Variants in NLGN1 observed in about 807,000 individuals in gnomAD.
NLGN1 encodes neuroligin 1.
Under a neutral mutation model 65.5 loss-of-function variants are expected in NLGN1, and 12 were observed. The ratio of observed to expected loss-of-function variants is 0.18; its 90% CI spans 0.12 to 0.30. The LOEUF is 0.30. NLGN1 is among the 10% of genes least tolerant of loss of function. NLGN1 has a pLI of 1.00. For synonymous variants in NLGN1, 350 were observed against 359.5 expected, an observed-to-expected ratio of 0.97 and a Z score of 0.30; for missense variants, 750 against 1,007.1, an observed-to-expected ratio of 0.74 and a Z score of 3.46.
At chr3:173,616,011 A>G (rs1478307846) in intron 3 of NLGN1, among the ~76,000 whole-genome samples, 1 of 152,116 alleles carries the variant, frequency 6.6e-6, no homozygotes, top group Non-Finnish European at 1.5e-5. Context: ...TGGGGGAGGC[A>G]GATACAGAAA....
At chr3:173,673,173 G>A (rs1391871643) in intron 3 of NLGN1, among the ~76,000 whole-genome samples, 2 of 152,186 alleles carry the variant, frequency 1.3e-5, no homozygotes, top group East Asian at 3.9e-4. Context: ...TGATCAGAAT[G>A]GTATTTTCTT....
intron 3 of NLGN1, among the ~76,000 whole-genome samples, chr3:173,740,886 CA>C (rs1488873621): frequency 6.6e-6 from 1 of 152,022 alleles, no homozygotes; most frequent in Non-Finnish European, 1.5e-5. Context: ...AAAGAAGGAC[CA>C]AATGAAAGTA....
chr3:174,206,721 A>C (rs1735496138), intron 4 of NLGN1, among the ~76,000 whole-genome samples: 1 of 152,232 alleles, frequency 6.6e-6, no homozygotes, highest in Non-Finnish European at 1.5e-5. Flanking sequence ...CATAACTGGT[A>C]TTCTGAAGAC....
intron 4 of NLGN1, among the ~76,000 whole-genome samples, chr3:173,813,773 A>G (rs986773651): frequency 6.6e-6 from 1 of 152,272 alleles, no homozygotes; most frequent in Non-Finnish European, 1.5e-5. Flanking sequence ...TTTCATAATT[A>G]TCATAATCAC....
At chr3:174,181,271 T>A (rs1730364368) in intron 4 of NLGN1, among the ~76,000 whole-genome samples, 1 of 152,166 alleles carries the variant, frequency 6.6e-6, no homozygotes, top group South Asian at 2.1e-4. Context: ...TGTCCATAAG[T>A]CTGCTTTCTC....
intron 2 of NLGN1, among the ~76,000 whole-genome samples, chr3:173,501,632 G>C (rs1181983338): frequency 2.0e-5 from 3 of 150,710 alleles, no homozygotes; most frequent in African/African-American, 7.3e-5. Context: ...AAAATGTGAA[G>C]TGGCAGATAA....
At chr3:174,249,872 A>T (rs1744467287) in intron 4 of NLGN1, among the ~76,000 whole-genome samples, 1 of 152,122 alleles carries the variant, frequency 6.6e-6, no homozygotes, top group African/African-American at 2.4e-5. Context: ...TTTCATTGTC[A>T]CAAATGGGTC....
chr3:173,599,389 G>T (rs1168170168), intron 2 of NLGN1, among the ~76,000 whole-genome samples: 1 of 152,064 alleles, frequency 6.6e-6, no homozygotes, highest in Non-Finnish European at 1.5e-5. Flanking sequence ...CCACTCCTGG[G>T]TCATGAAGAA....
chr3:173,981,049 G>T (rs1038051156), intron 4 of NLGN1, among the ~76,000 whole-genome samples: 1 of 151,942 alleles, frequency 6.6e-6, no homozygotes, highest in African/African-American at 2.4e-5. Context: ...CTATATGTCA[G>T]AATAAATTAG....
intron 4 of NLGN1, among the ~76,000 whole-genome samples, chr3:173,971,322 G>A (rs1464809730): frequency 6.6e-6 from 1 of 152,040 alleles, no homozygotes; most frequent in Non-Finnish European, 1.5e-5. Flanking sequence ...GGAAGTCACT[G>A]TCAATGTTCA....
At chr3:173,533,203 T>A (rs1206792654) in intron 2 of NLGN1, among the ~76,000 whole-genome samples, 1 of 152,210 alleles carries the variant, frequency 6.6e-6, no homozygotes, top group South Asian at 2.1e-4. Context: ...CACACAAAAC[T>A]GTTATACTTC....
At chr3:174,089,096 A>G (rs913788623) in intron 4 of NLGN1, among the ~76,000 whole-genome samples, 1 of 152,200 alleles carries the variant, frequency 6.6e-6, no homozygotes, top group African/African-American at 2.4e-5. Flanking sequence ...GGAAAAATGA[A>G]AACAGTGCTA....
At position 174,145,691 on chromosome 3, in the gene NLGN1, ACTAGATAATG is replaced by A. The variant is rs551493957; in HGVS notation, c.647-129621_647-129612del. On this transcript the variant is annotated intron_variant, in intron 4 of 6. Coordinates refer to ENST00000457714, the Ensembl canonical transcript of NLGN1. ...CCAATAGAATTCTCCTTTTTAAAAG[ACTAGATAATG>A]CTCTGAAAGTCTAGGACATGGCTAT... Among the ~76,000 whole-genome samples the A allele has an allele frequency of 2.4e-3, 373 of 152,342 alleles. 3 individuals carry two copies. Among genetic ancestry groups the A allele is most frequent in the African/African-American group, 8.4e-3 (351 of 41,578 alleles).
chr3:174,264,328 C>T (rs1249361295), intron 4 of NLGN1, among the ~76,000 whole-genome samples: 2 of 147,688 alleles, frequency 1.4e-5, no homozygotes, highest in Admixed American at 6.8e-5. Context: ...ACCAATCAGA[C>T]GTAGATTTGG....
chr3:173,841,293 C>T (rs1180985422), intron 4 of NLGN1, among the ~76,000 whole-genome samples: 2 of 152,092 alleles, frequency 1.3e-5, no homozygotes, highest in Non-Finnish European at 1.5e-5. Context: ...GGTAAAACTT[C>T]GTCTCATTTT....
rs568628450 is a variant in NLGN1, at chr3:173,537,979, A to G, written c.-320-66300A>G. Reference sequence around the variant, plus strand: ...TTCAAAGTGGCTGTGTGGCAGTATTAGCTTCCAGGTCAATGGAATAATTGT... The same window carrying G: ...TTCAAAGTGGCTGTGTGGCAGTATTGGCTTCCAGGTCAATGGAATAATTGT... On this transcript the variant is annotated intron_variant, in intron 2 of 6. Transcript: ENST00000457714. Among the ~76,000 whole-genome samples the G allele has an allele frequency of 2.6e-5, 4 of 152,302 alleles. No homozygotes were observed. In the South Asian group the frequency reaches 8.3e-4, roughly 32 times the overall value.
At chr3:173,527,462 A>G (rs1280666959) in intron 2 of NLGN1, among the ~76,000 whole-genome samples, 1 of 152,142 alleles carries the variant, frequency 6.6e-6, no homozygotes, top group East Asian at 1.9e-4. Context: ...CAGTGGCACT[A>G]TCTCAGCTCA....
At position 173,439,657 on chromosome 3, in the gene NLGN1, A is replaced by G. The variant is rs1057267849; in HGVS notation, c.-321+4579A>G. On this transcript the variant is annotated intron_variant, in intron 2 of 6. Transcript: ENST00000457714. Reference sequence around the variant, plus strand: ...TTTTTTTTGTTTCTCTAGTGCATATAAAAGTTATGTTTACACTATATTGTA... The same window carrying G: ...TTTTTTTTGTTTCTCTAGTGCATATGAAAGTTATGTTTACACTATATTGTA... Among the ~76,000 whole-genome samples the G allele has an allele frequency of 1.1e-4, 16 of 152,280 alleles. No individual in the cohort carries two copies. The East Asian group carries it at 2.9e-3, about 28-fold the overall frequency.
At chr3:173,710,606 C>G (rs529672262) in intron 3 of NLGN1, among the ~76,000 whole-genome samples, 32 of 152,122 alleles carry the variant, frequency 2.1e-4, no homozygotes, top group Admixed American at 8.5e-4. Context: ...CCACAGCACA[C>G]GAGTGCAATG....
Sources: gnomAD v4.1 joint callset for allele counts (sites outside exome capture counted in the v4.1 genomes callset) on GRCh38, gnomAD v4.1.1 for gene constraint, MANE v1.5 for transcripts, NCBI Gene and HGNC (gene_info 2026-07-23, HGNC 2026-07-21) for gene names.